PSD3: variants seen among roughly 807,000 people sequenced by gnomAD.
PSD3 encodes pleckstrin and Sec7 domain containing 3.
Under a neutral mutation model 105.5 loss-of-function variants are expected in PSD3, and 49 were observed. The observed-to-expected ratio is 0.46, with a 90% CI of 0.37 to 0.59. The LOEUF (loss-of-function observed/expected upper bound fraction) is 0.59, where lower values mean the gene tolerates loss of function less well. Ranked by LOEUF, PSD3 falls within the 20% of genes least tolerant of loss-of-function variation. The pLI, the probability that PSD3 is intolerant of heterozygous loss-of-function variation, is 0.00. For synonymous variants in PSD3, 557 were observed against 457.8 expected, an observed-to-expected ratio of 1.22 and a Z score of -2.77; for missense variants, 1,561 against 1,263.8, an observed-to-expected ratio of 1.24 and a Z score of -3.57.
chr8:18,911,952 C>T (rs1412418008), intron 2 of PSD3, among the ~76,000 whole-genome samples: 2 of 152,176 alleles, frequency 1.3e-5, no homozygotes, highest in Admixed American at 6.5e-5. Flanking sequence ...AACTATCCGT[C>T]CACAAACAGC....
intron 1 of PSD3, among the ~76,000 whole-genome samples, chr8:18,949,138 C>A (rs1172450335): frequency 7.0e-6 from 1 of 143,778 alleles, no homozygotes; most frequent in Non-Finnish European, 1.5e-5. Flanking sequence ...AGGAGAATGG[C>A]GTGAACCCAG....
chr8:18,607,882 T>G (rs911762237), intron 11 of PSD3, among the ~76,000 whole-genome samples: 1 of 152,052 alleles, frequency 6.6e-6, no homozygotes, highest in Non-Finnish European at 1.5e-5. Context: ...CTTCTTCACA[T>G]AGCAGCAGCA....
intron 1 of PSD3, among the ~76,000 whole-genome samples, chr8:19,047,387 A>G (rs1828357792): frequency 6.6e-6 from 1 of 152,188 alleles, no homozygotes; most frequent in African/African-American, 2.4e-5. Flanking sequence ...ATGCTCATTT[A>G]TTATAAAATA....
intron 9 of PSD3, among the ~76,000 whole-genome samples, chr8:18,693,937 G>A (rs1801121360): frequency 6.6e-6 from 1 of 152,174 alleles, no homozygotes; most frequent in South Asian, 2.1e-4. Context: ...CAGAGATGAA[G>A]CATTAGCATG....
At chr8:18,874,068 T>A (rs1416271712) in intron 2 of PSD3, among the ~76,000 whole-genome samples, 2 of 152,212 alleles carry the variant, frequency 1.3e-5, no homozygotes, top group Admixed American at 1.3e-4. Flanking sequence ...TTACTTTGTA[T>A]CATGAAAACC....
At chr8:19,007,292 G>A (rs1157819754) in intron 1 of PSD3, among the ~76,000 whole-genome samples, 1 of 151,734 alleles carries the variant, frequency 6.6e-6, no homozygotes, top group Non-Finnish European at 1.5e-5. Flanking sequence ...TGACAGCCCA[G>A]GACAGATAAT....
Position 18,867,967 on chromosome 8 carries a change from G to A in PSD3, c.1341C>T (p.Thr447=). ...AGTATAAAGAAGTGTTGTCCAAAAT[G>A]GTTTCAAACTGGGAGCTGTACACGT... ...STDVYSSQFE[T]ILDNTSLYYS... is the part of the protein sequence containing the mutation. The change falls in exon 4 of 16, where the codon ACC becomes ACT. Residue 447 remains threonine (T), a synonymous_variant. Coordinates refer to ENST00000327040, the MANE Select transcript of PSD3 (RefSeq NM_015310.4). 1 of 1,614,136 alleles carries A rather than the reference G, an allele frequency of 6.2e-7. No homozygotes were observed.
intron 9 of PSD3, among the ~76,000 whole-genome samples, chr8:18,752,340 G>C (rs996031525): frequency 3.4e-5 from 5 of 147,756 alleles, no homozygotes; most frequent in Non-Finnish European, 5.9e-5. Flanking sequence ...ATTACACTAG[G>C]TATGAGGCAT....
chr8:18,601,219 T>A (rs1046850725), intron 11 of PSD3, among the ~76,000 whole-genome samples: 1 of 152,226 alleles, frequency 6.6e-6, no homozygotes, highest in African/African-American at 2.4e-5. Flanking sequence ...TTGTATAAAC[T>A]CTTACAAATT....
chr8:18,726,910 G>A lies in PSD3; in HGVS notation c.2172+38539C>T, dbSNP rs181288554. 3.9e-5 allele frequency among the ~76,000 whole-genome samples: 6 copies of A among 152,304 alleles called. No individual in the cohort carries two copies. In the South Asian group the frequency reaches 6.2e-4, roughly 16 times the overall value. ...TCTTTAGAAAATAAATTGCTAGGCT[G>A]GGTGCGGTGGCTCATGCCTGTAATC... On this transcript the variant is annotated intron_variant, in intron 9 of 15. Coordinates refer to ENST00000327040, the MANE Select transcript of PSD3 (RefSeq NM_015310.4).
At chr8:18,868,253 G>A (rs1316150717) in intron 3 of PSD3, among the ~76,000 whole-genome samples, 184 bp from the exon 4 acceptor site, 1 of 152,140 alleles carries the variant, frequency 6.6e-6, no homozygotes, top group Non-Finnish European at 1.5e-5. Context: ...TGGCATGCAT[G>A]TGGCTAGGAC....
intron 9 of PSD3, among the ~76,000 whole-genome samples, chr8:18,759,092 A>ACACACTCT (rs756248977): frequency 6.9e-6 from 1 of 143,948 alleles, no homozygotes; most frequent in African/African-American, 2.5e-5. Context: ...ACACACACAC[A>ACACACTCT]CTCTCTCTCT....
At chr8:18,966,929 G>A (rs1393735272) in intron 1 of PSD3, among the ~76,000 whole-genome samples, 2 of 152,180 alleles carry the variant, frequency 1.3e-5, no homozygotes. Flanking sequence ...AGGGGGAGAA[G>A]GGATGGTAGG....
intron 9 of PSD3, among the ~76,000 whole-genome samples, chr8:18,754,346 T>G (rs768559438): frequency 6.6e-5 from 10 of 152,190 alleles, no homozygotes; most frequent in Non-Finnish European, 1.3e-4. Context: ...ATCACGCCAC[T>G]GCATTCCAGC....
intron 1 of PSD3, among the ~76,000 whole-genome samples, chr8:19,071,492 G>C (rs1000124433): frequency 6.6e-6 from 1 of 152,128 alleles, no homozygotes. Flanking sequence ...GGTTAGAAAT[G>C]TTCTGGGTAG....
At chr8:19,079,944 C>T (rs889290802) in intron 1 of PSD3, among the ~76,000 whole-genome samples, 4 of 144,738 alleles carry the variant, frequency 2.8e-5, no homozygotes, top group African/African-American at 1.0e-4. Flanking sequence ...GGTTGGAGTG[C>T]AGTGGTGCAA....
At position 18,872,492 on chromosome 8, in the gene PSD3, C is replaced by T. The variant is rs1270249377; in HGVS notation, c.372G>A (p.Lys124=). The change falls in exon 3 of 16, where the codon AAG becomes AAA. Residue 124 remains lysine (K), a synonymous_variant. Coordinates refer to ENST00000327040, the MANE Select transcript of PSD3 (RefSeq NM_015310.4). ...VREAPSQSHL[K]EQSLQPIDSL... is the part of the protein sequence containing the mutation. Reference sequence around the variant, plus strand: ...AGTCAATGGGCTGTAAACTTTGTTCCTTGAGATGACTTTGAGAGGGGGCCT... The same window carrying T: ...AGTCAATGGGCTGTAAACTTTGTTCTTTGAGATGACTTTGAGAGGGGGCCT... The T allele has an allele frequency of 1.9e-6, 3 of 1,614,096 alleles. No individual in the cohort carries two copies. In the East Asian group the frequency reaches 6.7e-5, roughly 36 times the overall value.
intron 12 of PSD3, among the ~76,000 whole-genome samples, chr8:18,583,499 TAA>T (rs897217235): frequency 7.2e-5 from 11 of 152,292 alleles, no homozygotes; most frequent in African/African-American, 2.4e-4. Context: ...TGCTCTAAGA[TAA>T]AGTCTCAACT....
chr8:18,910,653 A>G (rs1307502445), intron 2 of PSD3, among the ~76,000 whole-genome samples: 7 of 149,896 alleles, frequency 4.7e-5, no homozygotes, highest in East Asian at 1.9e-4. Context: ...AAAAAAAAAA[A>G]AAAAAAGAAA....
Sources: allele counts gnomAD v4.1 joint callset (sites outside exome capture counted in the v4.1 genomes callset), GRCh38; gene constraint gnomAD v4.1.1; transcripts MANE v1.5; gene names NCBI Gene and HGNC (gene_info 2026-07-23, HGNC 2026-07-21).